The following NEO1 variants were observed in gnomAD, a reference collection of about 807,000 sequenced individuals.
NEO1 encodes neogenin.
Under a neutral mutation model 159.7 loss-of-function variants are expected in NEO1, and 63 were observed. The ratio of observed to expected loss-of-function variants is 0.39; its 90% CI spans 0.32 to 0.49. The LOEUF is 0.49. Among genes scored for constraint, NEO1 ranks in the 20% least tolerant of loss-of-function variants. NEO1 has a pLI of 0.85. For synonymous variants in NEO1, 633 were observed against 662.0 expected, an observed-to-expected ratio of 0.96 and a Z score of 0.67; for missense variants, 1,615 against 1,831.0, an observed-to-expected ratio of 0.88 and a Z score of 2.15.
intron 1 of NEO1, among the ~76,000 whole-genome samples, chr15:73,103,453 A>G (rs745504336): frequency 7.9e-5 from 12 of 151,936 alleles, no homozygotes; most frequent in Non-Finnish European, 1.6e-4. Flanking sequence ...TCTGCTCTTC[A>G]CTGGCTGGCT....
At chr15:73,213,503 G>T (rs780673113) in intron 7 of NEO1, among the ~76,000 whole-genome samples, 2 of 151,952 alleles carry the variant, frequency 1.3e-5, no homozygotes, top group Non-Finnish European at 2.9e-5. Context: ...CCCACATGTC[G>T]GTGAGAACAT....
At chr15:73,058,323 A>C (rs982460569) in intron 1 of NEO1, among the ~76,000 whole-genome samples, 1 of 152,190 alleles carries the variant, frequency 6.6e-6, no homozygotes, top group South Asian at 2.1e-4. Context: ...CAGATGAGGA[A>C]ACTGAGTCTC....
intron 7 of NEO1, among the ~76,000 whole-genome samples, chr15:73,184,278 C>T (rs2035791792): frequency 6.6e-6 from 1 of 152,160 alleles, no homozygotes. Flanking sequence ...GCCTCAGCCT[C>T]CCGAGTAGCT....
Position 73,116,682 on chromosome 15 carries a change from T to A in NEO1, c.273T>A (p.Thr91=). 6.2e-7 allele frequency: 1 copy of A among 1,614,000 alleles called. No individual in the cohort carries two copies. Among genetic ancestry groups the A allele is most frequent in the Non-Finnish European group, 8.5e-7 (1 of 1,179,926 alleles). The part of the protein sequence containing the change: ...SPKIEWKKDG[T]FLNLVSDDRR... ...AAATTGAATGGAAAAAAGATGGAACTTTTTTAAACTTAGTATCAGATGATC... is the reference window on the plus strand; with the variant it reads ...AAATTGAATGGAAAAAAGATGGAACATTTTTAAACTTAGTATCAGATGATC... The change falls in exon 2 of 29, where the codon ACT becomes ACA. Residue 91 remains threonine, a synonymous_variant. Coordinates refer to ENST00000261908, the MANE Select transcript of NEO1 (RefSeq NM_002499.4).
chr15:73,173,822 G>A (rs563106534), intron 5 of NEO1, among the ~76,000 whole-genome samples: 9 of 152,002 alleles, frequency 5.9e-5, no homozygotes, highest in Admixed American at 6.5e-5. Context: ...ATTAATGGCC[G>A]GTCGCGGTGG....
intron 1 of NEO1, among the ~76,000 whole-genome samples, chr15:73,075,892 T>C (rs35060813): frequency 0.4 from 61,151 of 152,072 alleles, 13,791 homozygotes; most frequent in Middle Eastern, 0.52. Context: ...GGTTGCACTT[T>C]ACTTGAGCTG....
At chr15:73,276,725 T>C (rs1191039931) in intron 21 of NEO1, among the ~76,000 whole-genome samples, 1 of 152,244 alleles carries the variant, frequency 6.6e-6, no homozygotes, top group Non-Finnish European at 1.5e-5. Context: ...GATTTTAATG[T>C]TTTCATTTCA....
intron 5 of NEO1, among the ~76,000 whole-genome samples, chr15:73,141,921 G>A (rs569840046): frequency 3.3e-4 from 50 of 152,230 alleles, no homozygotes; most frequent in South Asian, 2.3e-3. Context: ...CTTTTTCAGC[G>A]TTAACTGGAG....
intron 1 of NEO1, among the ~76,000 whole-genome samples, chr15:73,056,841 C>T (rs1316326288): frequency 6.6e-6 from 1 of 152,108 alleles, no homozygotes; most frequent in Non-Finnish European, 1.5e-5. Flanking sequence ...TTTGATCTTA[C>T]TGAGTCATCT....
intron 1 of NEO1, among the ~76,000 whole-genome samples, chr15:73,074,821 T>G (rs1240646552): frequency 1.3e-5 from 2 of 152,160 alleles, no homozygotes; most frequent in African/African-American, 4.8e-5. Context: ...TATGAAATAC[T>G]GGCACCCTAT....
chr15:73,146,037 C>G (rs974522993), intron 5 of NEO1, among the ~76,000 whole-genome samples: 1 of 152,210 alleles, frequency 6.6e-6, no homozygotes, highest in African/African-American at 2.4e-5. Flanking sequence ...TCCTTCCACT[C>G]CCTTGCCTGG....
intron 7 of NEO1, among the ~76,000 whole-genome samples, chr15:73,195,149 G>A (rs2036466489): frequency 6.6e-6 from 1 of 152,170 alleles, no homozygotes; most frequent in Admixed American, 6.6e-5. Context: ...TGGACACAAA[G>A]TTGAATTTAG....
At chr15:73,293,290 G>T (rs2042227188) in intron 25 of NEO1, 100 bp from the exon 26 acceptor site, 4 of 1,416,740 alleles carry the variant, frequency 2.8e-6, no homozygotes, top group Non-Finnish European at 3.9e-6. Context: ...TGTTTGGATT[G>T]TATGGGAGGT....
chr15:73,223,471 G>C (rs915184781), intron 7 of NEO1, among the ~76,000 whole-genome samples: 8 of 152,074 alleles, frequency 5.3e-5, no homozygotes, highest in African/African-American at 1.9e-4. Context: ...TCCAGTGTTA[G>C]GTGCATATAT....
chr15:73,157,915 TA>T (rs1304966778), intron 5 of NEO1, among the ~76,000 whole-genome samples: 30 of 150,874 alleles, frequency 2.0e-4, no homozygotes, highest in Admixed American at 4.0e-4. Context: ...ATTGTTCTTT[TA>T]AAAAAAAAAT....
At chr15:73,069,969 T>C (rs1303905345) in intron 1 of NEO1, among the ~76,000 whole-genome samples, 1 of 152,138 alleles carries the variant, frequency 6.6e-6, no homozygotes, top group Non-Finnish European at 1.5e-5. Context: ...GTATAAGGAA[T>C]TGGGAAAAAG....
At chr15:73,130,056 C>T (rs750526432) in intron 4 of NEO1, among the ~76,000 whole-genome samples, 1 of 152,086 alleles carries the variant, frequency 6.6e-6, no homozygotes, top group African/African-American at 2.4e-5. Context: ...AGTGTGGTGG[C>T]GTGATCTCAG....
At chr15:73,072,491 C>G (rs2068584289) in intron 1 of NEO1, among the ~76,000 whole-genome samples, 1 of 152,030 alleles carries the variant, frequency 6.6e-6, no homozygotes, top group Non-Finnish European at 1.5e-5. Context: ...TTCAGTAAAC[C>G]TTTATTGAGT....
At chr15:73,102,826 T>C (rs1171800892) in intron 1 of NEO1, among the ~76,000 whole-genome samples, 1 of 152,180 alleles carries the variant, frequency 6.6e-6, no homozygotes, top group Non-Finnish European at 1.5e-5. Context: ...ATTCTGAATC[T>C]CTCCTGAGTT....
Sources: gnomAD v4.1 joint callset for allele counts (sites outside exome capture counted in the v4.1 genomes callset) on GRCh38, gnomAD v4.1.1 for gene constraint, MANE v1.5 for transcripts, NCBI Gene and HGNC (gene_info 2026-07-23, HGNC 2026-07-21) for gene names.